Variants in TUT4 observed in about 807,000 individuals in gnomAD.
TUT4 encodes the protein terminal uridylyl transferase 4.
A neutral mutation model predicts 192.2 loss-of-function variants in TUT4; 36 were observed. The ratio of observed to expected loss-of-function variants is 0.19; its 90% CI spans 0.14 to 0.25. TUT4 has a LOEUF of 0.25. Among genes scored for constraint, TUT4 ranks in the 10% least tolerant of loss-of-function variants. TUT4 has a pLI of 1.00. For missense variants in TUT4, 1,493 were observed against 1,957.2 expected (o/e 0.76, Z 4.47); for synonymous variants, 618 against 666.0 (o/e 0.93, Z 1.11).
chr1:52,545,599 A>G (rs1687864716), intron 1 of TUT4, among the ~76,000 whole-genome samples: 1 of 152,104 alleles, frequency 6.6e-6, no homozygotes, highest in African/African-American at 2.4e-5. Flanking sequence ...ATCACTAATC[A>G]TTAGGGAAAT....
intron 4 of TUT4, among the ~76,000 whole-genome samples, chr1:52,498,168 C>CT (rs1253210730): frequency 3.3e-5 from 5 of 151,264 alleles, no homozygotes; most frequent in African/African-American, 1.2e-4. Context: ...TTCTAAGTCT[C>CT]TGTGATCATT....
intron 28 of TUT4, among the ~76,000 whole-genome samples, chr1:52,429,017 A>G (rs908138620): frequency 6.6e-6 from 1 of 151,990 alleles, no homozygotes; most frequent in Admixed American, 6.5e-5. Context: ...AAGTTGGTTA[A>G]TGGGGAGGGG....
intron 8 of TUT4, among the ~76,000 whole-genome samples, chr1:52,490,434 A>G (rs1437399397): frequency 1.3e-5 from 2 of 152,072 alleles, no homozygotes; most frequent in Non-Finnish European, 2.9e-5. Flanking sequence ...CTGTATCCAT[A>G]GAGCAAAGTA....
intron 4 of TUT4, among the ~76,000 whole-genome samples, chr1:52,508,186 G>C (rs1427270249): frequency 6.6e-6 from 1 of 151,886 alleles, no homozygotes; most frequent in African/African-American, 2.4e-5. Flanking sequence ...ACAAAAATCA[G>C]CCAGGCATGG....
At chr1:52,506,173 T>G (rs11205966) in intron 4 of TUT4, among the ~76,000 whole-genome samples, 5,014 of 152,262 alleles carry the variant, frequency 0.033, 202 homozygotes, top group African/African-American at 0.097. Flanking sequence ...AAAGCCCCAC[T>G]TGATCATGAC....
intron 20 of TUT4, among the ~76,000 whole-genome samples, chr1:52,455,530 GC>G (rs1180319280): frequency 1.4e-5 from 2 of 148,110 alleles, no homozygotes; most frequent in Non-Finnish European, 3.0e-5. Context: ...AATCACCTTA[GC>G]CTGGGAAGTT....
intron 19 of TUT4, among the ~76,000 whole-genome samples, chr1:52,460,633 A>C (rs1013626262): frequency 6.6e-6 from 1 of 152,206 alleles, no homozygotes; most frequent in Non-Finnish European, 1.5e-5. Context: ...GCTACCACAA[A>C]GCAGGCACTA....
At chr1:52,479,357 T>C (rs1557789964) in intron 11 of TUT4, among the ~76,000 whole-genome samples, 1 of 152,018 alleles carries the variant, frequency 6.6e-6, no homozygotes, top group Non-Finnish European at 1.5e-5. Flanking sequence ...GAACAGACCA[T>C]AAGAGGAAAG....
At chr1:52,549,586 AAATG>A (rs1221052282) in intron 1 of TUT4, among the ~76,000 whole-genome samples, 2 of 152,334 alleles carry the variant, frequency 1.3e-5, no homozygotes, top group South Asian at 2.1e-4. Flanking sequence ...ATGAATGTTT[AAATG>A]AATGAATGAA....
In TUT4 at chr1:52,465,142, A is replaced by C. The variant is rs762747535; in HGVS notation, c.2997T>G (p.Ser999=). 1 of 1,613,794 alleles carries C rather than the reference A, an allele frequency of 6.2e-7. No homozygotes were observed. The highest frequency in any genetic ancestry group is 1.3e-5 in the African/African-American group (1 of 75,026). ...EKARLCLFGS[S]KNGFGFRDSD... is the part of the protein sequence containing the mutation. ...TATCACGAAATCCAAATCCATTCTT[A>C]GAAGAGCCAAATAAGCACAACCTTG... The change falls in exon 16 of 30, where the codon TCT becomes TCG. Residue 999 remains serine (S), a synonymous_variant. Coordinates refer to ENST00000257177, the MANE Select transcript of TUT4 (RefSeq NM_001009881.3).
At chr1:52,457,546 T>G (rs1661331319) in intron 20 of TUT4, among the ~76,000 whole-genome samples, 1 of 152,224 alleles carries the variant, frequency 6.6e-6, no homozygotes, top group Non-Finnish European at 1.5e-5. Context: ...TTTTGTGATT[T>G]TCTTCTTTGC....
At chr1:52,502,652 T>G (rs1162948467) in intron 4 of TUT4, among the ~76,000 whole-genome samples, 1 of 116,812 alleles carries the variant, frequency 8.6e-6, no homozygotes, top group Non-Finnish European at 1.6e-5. Flanking sequence ...TCTCACTCCC[T>G]CTGTCACCCA....
intron 20 of TUT4, among the ~76,000 whole-genome samples, chr1:52,451,222 C>T (rs1000741409): frequency 1.4e-5 from 2 of 141,350 alleles, no homozygotes; most frequent in Non-Finnish European, 3.0e-5. Flanking sequence ...GCCGAGATTG[C>T]GCCACTGCAC....
intron 28 of TUT4, among the ~76,000 whole-genome samples, chr1:52,429,354 A>G (rs1651208793): frequency 6.6e-6 from 1 of 151,542 alleles, no homozygotes; most frequent in African/African-American, 2.4e-5. Context: ...CAAAGTGCTA[A>G]TAGTTCTTAA....
At chr1:52,503,644 C>G (rs1349583018) in intron 4 of TUT4, among the ~76,000 whole-genome samples, 1 of 152,096 alleles carries the variant, frequency 6.6e-6, no homozygotes, top group Non-Finnish European at 1.5e-5. Context: ...GACCCAAACC[C>G]CTGGGCTCAA....
In TUT4 at chr1:52,423,817, A is replaced by G. The variant is rs1216323534; in HGVS notation, c.*118T>C. ...CAGGACCTGATTTGTTTTGCTTTCC[A>G]TTAAATGTCACTTTTTCTGCTGAAT... On this transcript the variant is annotated 3_prime_UTR_variant, in exon 30 of 30. Transcript: ENST00000257177. 1.9e-6 allele frequency: 3 copies of G among 1,548,434 alleles called. No homozygotes were observed. The highest frequency in any genetic ancestry group is 2.0e-5 in the Admixed American group (1 of 50,992).
At chr1:52,425,242 T>C (rs1649455441) in intron 29 of TUT4, 107 bp downstream of exon 29, 2 of 1,354,370 alleles carry the variant, frequency 1.5e-6, no homozygotes, top group Non-Finnish European at 2.0e-6. Flanking sequence ...CAGTAAATGT[T>C]TACTGAATTC....
chr1:52,429,331 C>T (rs911996649), intron 28 of TUT4, among the ~76,000 whole-genome samples: 20 of 151,394 alleles, frequency 1.3e-4, no homozygotes, highest in African/African-American at 2.2e-4. Flanking sequence ...GTGATCCACC[C>T]GCCTCAGCCT....
chr1:52,511,217 T>C (rs1253214477), intron 3 of TUT4, among the ~76,000 whole-genome samples: 1 of 152,202 alleles, frequency 6.6e-6, no homozygotes, highest in Non-Finnish European at 1.5e-5. Flanking sequence ...AGGGATTAAT[T>C]TGCCCAAGGC....
Sources: gnomAD v4.1 joint callset for allele counts (sites outside exome capture counted in the v4.1 genomes callset) on GRCh38, gnomAD v4.1.1 for gene constraint, MANE v1.5 for transcripts, NCBI Gene and HGNC (gene_info 2026-07-23, HGNC 2026-07-21) for gene names.